Variants in COL22A1 observed in about 807,000 individuals in gnomAD.
COL22A1 encodes collagen type XXII alpha 1 chain.
COL22A1 carries 221 observed loss-of-function variants against 248.9 expected under a neutral mutation model. That is an observed-to-expected ratio of 0.89 (90% CI 0.80 to 0.99). The LOEUF (loss-of-function observed/expected upper bound fraction) is 0.99. COL22A1 is among the 50% of genes least tolerant of loss of function. The pLI, the probability that COL22A1 is intolerant of heterozygous loss-of-function variation, is 0.00. For synonymous variants in COL22A1, 891 were observed against 793.4 expected (o/e 1.12, Z -2.07); for missense variants, 2,240 against 2,179.0 (o/e 1.03, Z -0.56).
intron 52 of COL22A1, among the ~76,000 whole-genome samples, chr8:138,620,905 C>A (rs774589066): frequency 2.5e-4 from 38 of 152,054 alleles, no homozygotes; most frequent in Non-Finnish European, 4.4e-4. Context: ...ATCTGTGTAT[C>A]CATCTATCCA....
intron 59 of COL22A1, among the ~76,000 whole-genome samples, 159 bp downstream of exon 59, chr8:138,604,575 A>G (rs1818281572): frequency 1.3e-5 from 2 of 152,246 alleles, no homozygotes; most frequent in African/African-American, 4.8e-5. Flanking sequence ...AAATTAAAAC[A>G]TGAGCCAGGT....
chr8:138,703,311 C>A lies in COL22A1; in HGVS notation c.2554G>T (p.Gly852Ter). The A allele has an allele frequency of 1.9e-6, 3 of 1,613,474 alleles. No homozygotes were observed. Among genetic ancestry groups the A allele is most frequent in the Non-Finnish European group, 2.5e-6 (3 of 1,179,540 alleles). Residue 852 changes from glycine to a stop codon, truncating the protein, a stop_gained, in exon 31 of 65, where the codon GGA becomes TGA. Transcript: ENST00000303045. LOFTEE classifies it high-confidence loss of function. ...AGPAGPPGLP[G>*]TTSLFTPHPR... ...TTAGAAGCGGAGTAACTTACAGTTC[C>A]AGGTAACCCGGGAGGGCCTGCAGGA...
chr8:138,838,462 A>C (rs1820604638), intron 4 of COL22A1, among the ~76,000 whole-genome samples: 2 of 152,118 alleles, frequency 1.3e-5, no homozygotes, highest in African/African-American at 4.8e-5. Flanking sequence ...CAGCACCATC[A>C]AACACCACTA....
intron 64 of COL22A1, among the ~76,000 whole-genome samples, chr8:138,590,068 T>C (rs1816906887): frequency 6.6e-6 from 1 of 152,058 alleles, no homozygotes; most frequent in Non-Finnish European, 1.5e-5. Flanking sequence ...ATATTGCCTA[T>C]AGACAAACTT....
intron 10 of COL22A1, among the ~76,000 whole-genome samples, chr8:138,804,758 G>A (rs1187997950): frequency 6.6e-6 from 1 of 150,904 alleles, no homozygotes; most frequent in Non-Finnish European, 1.5e-5. Flanking sequence ...AGGGGTGTGT[G>A]TGTGATGGGT....
At chr8:138,838,147 C>T (rs567576442) in intron 4 of COL22A1, among the ~76,000 whole-genome samples, 19 of 152,292 alleles carry the variant, frequency 1.2e-4, no homozygotes, top group Admixed American at 3.3e-4. Flanking sequence ...AGCAGTTCCA[C>T]GGCTTTGGGG....
intron 3 of COL22A1, among the ~76,000 whole-genome samples, chr8:138,875,741 A>T (rs1012718584): frequency 2.0e-5 from 3 of 152,042 alleles, no homozygotes; most frequent in Admixed American, 6.6e-5. Context: ...AGGGCCCAAC[A>T]TGCCTTGAAG....
chr8:138,628,923 G>A (rs546536418), intron 50 of COL22A1, among the ~76,000 whole-genome samples: 32 of 151,886 alleles, frequency 2.1e-4, no homozygotes, highest in Admixed American at 1.4e-3. Context: ...ATATCACCAC[G>A]CCCAGCTAAT....
At chr8:138,773,602 G>A (rs2131476775) in intron 16 of COL22A1, among the ~76,000 whole-genome samples, 1 of 152,354 alleles carries the variant, frequency 6.6e-6, no homozygotes, top group South Asian at 2.1e-4. Context: ...CTGCACACCT[G>A]CAGCCGTGTG....
chr8:138,847,368 C>T (rs1352516385), intron 3 of COL22A1, among the ~76,000 whole-genome samples: 1 of 152,232 alleles, frequency 6.6e-6, no homozygotes, highest in African/African-American at 2.4e-5. Context: ...AGCTCCTGCC[C>T]TGGAGGTGTA....
chr8:138,712,687 AAG>A (rs1829085853), intron 30 of COL22A1, among the ~76,000 whole-genome samples: 2 of 151,968 alleles, frequency 1.3e-5, no homozygotes, highest in African/African-American at 2.4e-5. Context: ...AGCAGAGGGT[AAG>A]TATTCTACAA....
At chr8:138,635,712 C>G (rs1821099048) in intron 48 of COL22A1, among the ~76,000 whole-genome samples, 2 of 152,134 alleles carry the variant, frequency 1.3e-5, no homozygotes, top group South Asian at 4.1e-4. Context: ...TCTCTGCCCT[C>G]CACCTCCAAG....
chr8:138,845,277 CG>C (rs1554644317), intron 3 of COL22A1, among the ~76,000 whole-genome samples: 4 of 151,308 alleles, frequency 2.6e-5, no homozygotes, highest in Admixed American at 6.6e-5. Context: ...GAGGCCAAGA[CG>C]GGGGGGGATC....
intron 16 of COL22A1, among the ~76,000 whole-genome samples, chr8:138,773,868 G>T (rs1162427875): frequency 3.3e-5 from 5 of 152,234 alleles, no homozygotes; most frequent in Admixed American, 2.6e-4. Context: ...TTGGATGTGA[G>T]TCTCAAGCTT....
intron 16 of COL22A1, among the ~76,000 whole-genome samples, chr8:138,771,596 A>G (rs1004303571): frequency 2.0e-5 from 3 of 152,248 alleles, no homozygotes; most frequent in Non-Finnish European, 4.4e-5. Context: ...CGCTACATGG[A>G]AAAAAGCCTG....
At position 138,655,871 on chromosome 8, in the gene COL22A1, C is replaced by T. The variant is rs374672298; in HGVS notation, c.3333+26G>A. On this transcript the variant is annotated intron_variant, in intron 45 of 64. Transcript: ENST00000303045. Reference sequence around the variant, plus strand: ...TCCCGCCATCACCATTTTCAAAACACATGCGCATTTATTGTATGCTTTTAC... The same window carrying T: ...TCCCGCCATCACCATTTTCAAAACATATGCGCATTTATTGTATGCTTTTAC... 9 of 1,589,340 alleles carry T rather than the reference C, an allele frequency of 5.7e-6. No homozygotes were observed. In the African/African-American group the frequency reaches 1.2e-4, roughly 21 times the overall value.
chr8:138,694,657 A>T (rs1469264596), intron 33 of COL22A1, 96 bp from the exon 34 acceptor site: 10 of 1,424,590 alleles, frequency 7.0e-6, no homozygotes, highest in Non-Finnish European at 9.8e-6. Context: ...ATAATTTGAG[A>T]TCCAAGGAGG....
At chr8:138,809,528 C>CTTTTTTTTTTTTTT (rs71518485) in intron 9 of COL22A1, among the ~76,000 whole-genome samples, 2 of 117,626 alleles carry the variant, frequency 1.7e-5, no homozygotes, top group African/African-American at 3.3e-5. Context: ...TTTTCTTTTT[C>CTTTTTTTTTTTTTT]TTTTTTTTTT....
At chr8:138,660,778 ATG>A (rs879356745) in intron 43 of COL22A1, among the ~76,000 whole-genome samples, 1,558 of 146,116 alleles carry the variant, frequency 0.011, 25 homozygotes, top group African/African-American at 0.036. Context: ...GCATGCACGC[ATG>A]CACACACACA....
Sources: gnomAD v4.1 joint callset for allele counts (sites outside exome capture counted in the v4.1 genomes callset) on GRCh38, gnomAD v4.1.1 for gene constraint, MANE v1.5 for transcripts, NCBI Gene and HGNC (gene_info 2026-07-23, HGNC 2026-07-21) for gene names.